TMEM68: variants seen among roughly 807,000 people sequenced by gnomAD.
TMEM68 encodes the protein transmembrane protein 68, also known as DGAT1/2-independent enzyme synthesizing storage lipids.
TMEM68 carries 25 observed loss-of-function variants against 36.9 expected under a neutral mutation model. The ratio of observed to expected loss-of-function variants is 0.68; its 90% CI spans 0.49 to 0.95. The LOEUF is 0.95. TMEM68 is among the 40% of genes least tolerant of loss of function. The probability of loss-of-function intolerance (pLI) is 0.00; values close to 1 mark genes in which losing one functional copy is unlikely to be tolerated. For synonymous variants in TMEM68, 131 were observed against 124.4 expected, an observed-to-expected ratio of 1.05 and a Z score of -0.35; for missense variants, 333 against 392.0, an observed-to-expected ratio of 0.85 and a Z score of 1.27.
intron 6 of TMEM68, 112 bp downstream of exon 6, chr8:55,744,949 A>T: frequency 1.7e-6 from 1 of 600,704 alleles, no homozygotes; most frequent in Non-Finnish European, 2.6e-6. Flanking sequence ...ACGTCTAAAT[A>T]GTATATCCAT....
chr8:55,764,811 T>C (rs1398079114), intron 1 of TMEM68, among the ~76,000 whole-genome samples: 1 of 152,126 alleles, frequency 6.6e-6, no homozygotes, highest in African/African-American at 2.4e-5. Context: ...AGTGGCTCAC[T>C]CTTGTAATCC....
chr8:55,755,460 C>T (rs1040526834), intron 4 of TMEM68, among the ~76,000 whole-genome samples: 2 of 151,754 alleles, frequency 1.3e-5, no homozygotes, highest in South Asian at 2.1e-4. Context: ...TTAGTAGAGA[C>T]GGGGTTTCAC....
intron 4 of TMEM68, 83 bp from the exon 5 acceptor site, chr8:55,751,240 G>C: frequency 8.1e-7 from 1 of 1,239,106 alleles, no homozygotes; most frequent in East Asian, 2.4e-5. Context: ...AAACTACATA[G>C]TGTACTATTT....
At chr8:55,764,649 C>A (rs191971175) in intron 1 of TMEM68, among the ~76,000 whole-genome samples, 4 of 152,226 alleles carry the variant, frequency 2.6e-5, no homozygotes, top group Admixed American at 1.3e-4. Context: ...TTTCATCTAA[C>A]TTCCTTGTAA....
intron 4 of TMEM68, among the ~76,000 whole-genome samples, chr8:55,754,024 G>A (rs999611845): frequency 1.1e-4 from 16 of 152,058 alleles, no homozygotes; most frequent in South Asian, 2.1e-4. Context: ...CCTGAGGGGC[G>A]GAGGCTGCAG....
intron 3 of TMEM68, 111 bp downstream of exon 3, chr8:55,762,524 C>A: frequency 6.5e-7 from 1 of 1,534,344 alleles, no homozygotes; most frequent in African/African-American, 1.4e-5. Context: ...TAGTAAATAT[C>A]ACTTCTATTA....
intron 5 of TMEM68, among the ~76,000 whole-genome samples, chr8:55,749,555 T>C (rs775509188): frequency 4.6e-5 from 7 of 152,178 alleles, no homozygotes; most frequent in Non-Finnish European, 1.0e-4. Flanking sequence ...CACTGTGCAA[T>C]GTAGTCAGGA....
At chr8:55,765,372 G>A (rs997437498) in intron 1 of TMEM68, among the ~76,000 whole-genome samples, 10 of 152,264 alleles carry the variant, frequency 6.6e-5, no homozygotes, top group African/African-American at 2.2e-4. Flanking sequence ...AGACCACTCC[G>A]AGTTGCTGAC....
Position 55,762,743 on chromosome 8 carries a change from T to C in TMEM68, c.217A>G (p.Ile73Val), listed in dbSNP as rs1212783731. 1 of 1,613,722 alleles carries C rather than the reference T, an allele frequency of 6.2e-7. No homozygotes were observed. Among genetic ancestry groups the C allele is most frequent in the Non-Finnish European group, 8.5e-7 (1 of 1,179,866 alleles). ...LLYLTIIFLH[I>V]YKRKNVLKEA... Reference sequence around the variant, plus strand: ...TTCAATACATTCTTTCTCTTATAAATGTGTAAGAAAATAATAGTAAGGTAG... The same window carrying C: ...TTCAATACATTCTTTCTCTTATAAACGTGTAAGAAAATAATAGTAAGGTAG... The change falls in exon 3 of 8, where the codon ATT (isoleucine) becomes GTT (valine). Residue 73 changes from isoleucine (I) to valine (V), a missense_variant. Ile to Val is a conservative substitution (Grantham distance 29, BLOSUM62 3). Transcript: ENST00000434581.
chr8:55,766,808 ATT>A (rs1810976791), intron 1 of TMEM68, among the ~76,000 whole-genome samples: 1 of 152,166 alleles, frequency 6.6e-6, no homozygotes, highest in Non-Finnish European at 1.5e-5. Context: ...AAATAGGAAT[ATT>A]TGCAATAAGT....
chr8:55,747,183 G>T (rs1452327305), intron 5 of TMEM68: 2 of 152,118 alleles, frequency 1.3e-5, no homozygotes, highest in Admixed American at 6.6e-5. Context: ...GGCCAACATG[G>T]TGAACCCCAT....
rs13272521 is a variant in TMEM68, at chr8:55,754,608, T to C, written c.493+1636A>G. On this transcript the variant is annotated intron_variant, in intron 4 of 7. Transcript: ENST00000434581. The stretch of plus-strand genomic sequence containing the variant: ...AATACATATATTATGTAATATATAT[T>C]TATATTATATATAAAATACATACAT... Among the ~76,000 whole-genome samples the C allele has an allele frequency of 9.7e-5, 13 of 133,340 alleles. No individual in the cohort carries two copies. In the Admixed American group the frequency reaches 1.0e-3, roughly 11 times the overall value. 87.5% of individuals were successfully genotyped at this position (133,340 alleles called of 152,430 possible). A position where few individuals can be genotyped will look rare whatever the true frequency, so the allele number is the denominator to read the frequency against.
At chr8:55,745,741 G>C (rs2129918989) in intron 5 of TMEM68, 1 of 152,356 alleles carries the variant, frequency 6.6e-6, no homozygotes, top group East Asian at 1.9e-4. Flanking sequence ...CTGTGGCTCA[G>C]GCTGGATTGC....
chr8:55,764,860 G>A (rs1195754905), intron 1 of TMEM68, among the ~76,000 whole-genome samples: 1 of 152,148 alleles, frequency 6.6e-6, no homozygotes, highest in Admixed American at 6.5e-5. Flanking sequence ...ATCACCTGAG[G>A]TCGGGGGTTT....
chr8:55,770,489 C>T (rs1811119434), intron 1 of TMEM68, among the ~76,000 whole-genome samples: 1 of 151,984 alleles, frequency 6.6e-6, no homozygotes, highest in South Asian at 2.1e-4. Context: ...AGCCTGGGGG[C>T]AACATACTGA....
intron 4 of TMEM68, among the ~76,000 whole-genome samples, chr8:55,753,850 G>T (rs1014178414): frequency 6.6e-5 from 10 of 152,200 alleles, no homozygotes; most frequent in African/African-American, 2.4e-4. Context: ...TCAGTACTTT[G>T]GGAGGCCAAG....
chr8:55,767,415 G>A (rs1380613886), intron 1 of TMEM68, among the ~76,000 whole-genome samples: 2 of 152,146 alleles, frequency 1.3e-5, no homozygotes, highest in Non-Finnish European at 2.9e-5. Flanking sequence ...GGGTGGGATG[G>A]AGATCAGGAA....
At chr8:55,753,437 A>G (rs1375241090) in intron 4 of TMEM68, among the ~76,000 whole-genome samples, 1 of 151,804 alleles carries the variant, frequency 6.6e-6, no homozygotes, top group Non-Finnish European at 1.5e-5. Flanking sequence ...GTAAGATTAT[A>G]ATGATGTTCT....
intron 7 of TMEM68, 22 bp from the exon 8 acceptor site, chr8:55,740,240 A>T: frequency 6.4e-7 from 1 of 1,574,300 alleles, no homozygotes; most frequent in Non-Finnish European, 8.7e-7. Context: ...ACAAAAGAAA[A>T]GCTATTGTTA....
Sources: allele counts gnomAD v4.1 joint callset (sites outside exome capture counted in the v4.1 genomes callset), GRCh38; gene constraint gnomAD v4.1.1; transcripts MANE v1.5; gene names NCBI Gene and HGNC (gene_info 2026-07-23, HGNC 2026-07-21).